The following RNF213 variants were observed in gnomAD, a reference collection of about 807,000 sequenced individuals.
RNF213 encodes the protein ring finger protein 213.
Under a neutral mutation model 514.4 loss-of-function variants are expected in RNF213, and 341 were observed. The observed-to-expected ratio is 0.66, with a 90% CI of 0.61 to 0.73. RNF213 has a LOEUF of 0.73. Among genes scored for constraint, RNF213 ranks in the 30% least tolerant of loss-of-function variants. The probability of loss-of-function intolerance (pLI) is 0.00; values close to 1 mark genes in which losing one functional copy is unlikely to be tolerated. For synonymous variants in RNF213, 2,655 were observed against 2,658.2 expected (o/e 1.00, Z 0.04); for missense variants, 5,767 against 6,615.6 (o/e 0.87, Z 4.45).
intron 10 of RNF213, among the ~76,000 whole-genome samples, chr17:80,297,622 C>CT (rs2045006039): frequency 6.7e-6 from 1 of 150,340 alleles, no homozygotes; most frequent in South Asian, 2.1e-4. Context: ...CCTGTCTCTA[C>CT]AAAAAATACA....
intron 32 of RNF213, 175 bp from the exon 33 acceptor site, chr17:80,352,765 G>A: frequency 3.3e-6 from 3 of 896,788 alleles, no homozygotes; most frequent in African/African-American, 1.6e-5. Flanking sequence ...GTCGTGTATA[G>A]TATCGGGTTG....
At chr17:80,333,282 G>T (rs1262911321) in intron 21 of RNF213, among the ~76,000 whole-genome samples, 6 of 150,150 alleles carry the variant, frequency 4.0e-5, no homozygotes, top group African/African-American at 1.5e-4. Flanking sequence ...GGATGGTCTC[G>T]ATCTCCTGAC....
chr17:80,388,520 T>G (rs2080331164), intron 63 of RNF213, 92 bp from the exon 64 acceptor site: 6 of 867,568 alleles, frequency 6.9e-6, no homozygotes, highest in African/African-American at 4.9e-5. Context: ...GGCACTACGC[T>G]GCAGTTTTCC....
chr17:80,337,555 T>C, intron 23 of RNF213, 31 bp from the exon 24 acceptor site: 1 of 1,534,360 alleles, frequency 6.5e-7, no homozygotes, highest in Non-Finnish European at 8.7e-7. Flanking sequence ...GCTCCAACCG[T>C]GGCCCGTGTT....
intron 25 of RNF213, among the ~76,000 whole-genome samples, chr17:80,338,629 G>A (rs34002630): frequency 0.67 from 99,368 of 149,274 alleles, 33,552 homozygotes; most frequent in African/African-American, 0.73. Flanking sequence ...AAAAGTATAA[G>A]GTTTTTTTTT....
chr17:80,335,356 G>T (rs146352280), intron 22 of RNF213, among the ~76,000 whole-genome samples: 1 of 152,182 alleles, frequency 6.6e-6, no homozygotes, highest in Non-Finnish European at 1.5e-5. Context: ...AGGGGCACAG[G>T]TGGCAGTGCA....
chr17:80,315,782 T>TGGAGGTGCTGGA (rs2045910882), intron 15 of RNF213: 1 of 40,118 alleles, frequency 2.5e-5, no homozygotes, highest in Non-Finnish European at 5.5e-5. Context: ...GTGGTGGTGG[T>TGGAGGTGCTGGA]GGTGGTGGTG....
At chr17:80,361,212 G>A (rs907966130) in intron 38 of RNF213, among the ~76,000 whole-genome samples, 6 of 152,120 alleles carry the variant, frequency 3.9e-5, no homozygotes, top group African/African-American at 7.2e-5. Flanking sequence ...CACTGTTTCC[G>A]CCTTCCTTTA....
In RNF213 at chr17:80,381,000, GC is replaced by G; in HGVS notation, c.13797+14del. ...CCAGAGTTCCCAGGTATAACCCAGTGCTGCCAAACAATGGGCTCAGTTAAGA... is the reference window on the plus strand; with the variant it reads ...CCAGAGTTCCCAGGTATAACCCAGTGTGCCAAACAATGGGCTCAGTTAAGA... On this transcript the variant is annotated intron_variant, in intron 56 of 67. Coordinates refer to ENST00000582970, the MANE Select transcript of RNF213 (RefSeq NM_001256071.3). 1 of 1,614,128 alleles carries G rather than the reference GC, an allele frequency of 6.2e-7. No homozygotes were observed. The highest frequency in any genetic ancestry group is 8.5e-7 in the Non-Finnish European group (1 of 1,179,980).
In RNF213 at chr17:80,288,612, C is replaced by G. The variant is rs199777836; in HGVS notation, c.811-21C>G. 1 of 1,614,118 alleles carries G rather than the reference C, an allele frequency of 6.2e-7. No individual in the cohort carries two copies. The highest frequency in any genetic ancestry group is 8.5e-7 in the Non-Finnish European group (1 of 1,180,024). On this transcript the variant is annotated intron_variant, in intron 4 of 67. Coordinates refer to ENST00000582970, the MANE Select transcript of RNF213 (RefSeq NM_001256071.3). The surrounding 1 kb of genome is among the most constrained non-coding windows in gnomAD (Gnocchi z 4.9). ...CCTGGCCCATTTTGTCACCTTGGCT[C>G]TGGTGTTTGGGGTCTTTCAGGCAGT...
chr17:80,371,275 A>G (rs2079507999), intron 46 of RNF213, among the ~76,000 whole-genome samples: 1 of 152,262 alleles, frequency 6.6e-6, no homozygotes, highest in African/African-American at 2.4e-5. Context: ...ATTAAGGAAT[A>G]ATAGCCACAA....
chr17:80,289,727 G>A lies in RNF213; in HGVS notation c.1002G>A (p.Gly334=), dbSNP rs1166757194. ...AAAAAGTCGGTAAGAATGAACAAGG[G>A]GAGCCTGAAGACCTCAAGAAGCCAG... ...AEEKVGKNEQ[G]EPEDLKKPEG... Residue 334 remains glycine, a synonymous_variant, in exon 6 of 68, where the codon GGG becomes GGA. Coordinates refer to ENST00000582970, the MANE Select transcript of RNF213 (RefSeq NM_001256071.3). 1 of 1,613,968 alleles carries A rather than the reference G, an allele frequency of 6.2e-7. No individual in the cohort carries two copies. Among genetic ancestry groups the A allele is most frequent in the African/African-American group, 1.3e-5 (1 of 74,922 alleles).
chr17:80,339,514 T>C lies in RNF213; in HGVS notation c.5147T>C (p.Leu1716Pro), dbSNP rs2078086443. ...CAGCTGGTTTACCTGAGCACTGAGC[T>C]CAGGAAGCAGCCCCCGAGTGATGCC... ...AEQLVYLSTE[L>P]RKQPPSDAAL... Residue 1716 changes from leucine to proline, a missense_variant, in exon 26 of 68, where the codon CTC (leucine) becomes CCC (proline). Transcript: ENST00000582970. 1 of 1,537,032 alleles carries C rather than the reference T, an allele frequency of 6.5e-7. No individual in the cohort carries two copies. Among genetic ancestry groups the C allele is most frequent in the South Asian group, 1.2e-5 (1 of 84,058 alleles).
chr17:80,326,094 G>A (rs748586136), intron 18 of RNF213, among the ~76,000 whole-genome samples: 47 of 151,810 alleles, frequency 3.1e-4, no homozygotes, highest in South Asian at 1.0e-3. Flanking sequence ...AAGTAGCTGG[G>A]ATTACAGATG....
chr17:80,355,600 G>A lies in RNF213; in HGVS notation c.10862+1024G>A, dbSNP rs191599810. Among the ~76,000 whole-genome samples the A allele has an allele frequency of 3.3e-3, 150 of 45,068 alleles. 12 individuals are homozygous for A. Among genetic ancestry groups the A allele is most frequent in the African/African-American group, 5.2e-3 (45 of 8,706 alleles). The allele number at this position is 45,068 out of a possible 152,430, so 29.6% of individuals were successfully genotyped here. ...GGTGAGTGGGAATGGGGGCTTACAG[G>A]GGAAGAAGCGGGGTGAGTGGGAATG... On this transcript the variant is annotated intron_variant, in intron 36 of 67. Coordinates refer to ENST00000582970, the MANE Select transcript of RNF213 (RefSeq NM_001256071.3).
At chr17:80,301,198 G>A (rs916204213) in intron 11 of RNF213, among the ~76,000 whole-genome samples, 2 of 152,040 alleles carry the variant, frequency 1.3e-5, no homozygotes, top group Non-Finnish European at 2.9e-5. Flanking sequence ...TGGTATTTTT[G>A]TCGTGAAATC....
chr17:80,269,832 C>G (rs1028070333), intron 2 of RNF213, among the ~76,000 whole-genome samples: 1 of 152,346 alleles, frequency 6.6e-6, no homozygotes, highest in South Asian at 2.1e-4. Flanking sequence ...TAGTTCTGCT[C>G]TCTGGATAAC....
chr17:80,270,469 C>G (rs76164172), intron 2 of RNF213, among the ~76,000 whole-genome samples: 2,898 of 152,322 alleles, frequency 0.019, 59 homozygotes, highest in East Asian at 0.11. Context: ...TCACTGGCCG[C>G]GTCTCTGTGC....
At chr17:80,392,389 GC>G (rs2080510401) in intron 67 of RNF213, among the ~76,000 whole-genome samples, 1 of 152,132 alleles carries the variant, frequency 6.6e-6, no homozygotes. Context: ...GAATGGTGAG[GC>G]CTTGTTTATG....
Sources: allele counts gnomAD v4.1 joint callset (sites outside exome capture counted in the v4.1 genomes callset), GRCh38; gene constraint gnomAD v4.1.1; non-coding constraint Gnocchi (gnomAD v3.1); transcripts MANE v1.5; gene names NCBI Gene and HGNC (gene_info 2026-07-23, HGNC 2026-07-21).